Variants in SLCO2A1 observed in about 807,000 individuals in gnomAD.
SLCO2A1 encodes matrin F/G 1.
In SLCO2A1, 60 loss-of-function variants were observed where a neutral mutation model predicts 71.7. That is an observed-to-expected ratio of 0.84 (90% CI 0.68 to 1.04). SLCO2A1 has a LOEUF of 1.04. SLCO2A1 is among the 50% of genes least tolerant of loss of function. The probability of loss-of-function intolerance (pLI) is 0.00; values close to 1 mark genes in which losing one functional copy is unlikely to be tolerated. For missense variants in SLCO2A1, 745 were observed against 813.4 expected (o/e 0.92, Z 1.02); for synonymous variants, 308 against 326.7 (o/e 0.94, Z 0.62).
chr3:134,017,754 G>A (rs577044513), intron 1 of SLCO2A1, among the ~76,000 whole-genome samples: 144 of 152,306 alleles, frequency 9.5e-4, no homozygotes, highest in African/African-American at 3.3e-3. Context: ...ACTAAGTGGG[G>A]GTTGAGAAGA....
chr3:133,968,006 C>T (rs1471893122), intron 3 of SLCO2A1, among the ~76,000 whole-genome samples: 1 of 108,414 alleles, frequency 9.2e-6, no homozygotes, highest in African/African-American at 3.8e-5. Context: ...TGCACACACA[C>T]TTCCCCATCA....
chr3:134,009,632 G>A (rs1390561325), intron 1 of SLCO2A1, among the ~76,000 whole-genome samples: 1 of 152,260 alleles, frequency 6.6e-6, no homozygotes, highest in African/African-American at 2.4e-5. Flanking sequence ...GTGCCATACA[G>A]CTGGAGTGTG....
chr3:133,944,914 GACCCC>G (rs1933525177), intron 10 of SLCO2A1, among the ~76,000 whole-genome samples, 176 bp downstream of exon 10: 1 of 152,250 alleles, frequency 6.6e-6, no homozygotes, highest in Admixed American at 6.5e-5. Context: ...ATCTGGTCAT[GACCCC>G]AGGGTAGGGA....
intron 3 of SLCO2A1, among the ~76,000 whole-genome samples, chr3:133,970,618 A>T (rs1043922124): frequency 6.6e-6 from 1 of 152,240 alleles, no homozygotes; most frequent in African/African-American, 2.4e-5. Flanking sequence ...CGCATGGATG[A>T]GGTTCCTGGG....
chr3:134,002,893 T>TA lies in SLCO2A1; in HGVS notation c.97-23276dup, dbSNP rs796446397. Among the ~76,000 whole-genome samples, 100 of 148,736 alleles carry TA rather than the reference T, an allele frequency of 6.7e-4. No homozygotes were observed. In the East Asian group the frequency reaches 0.011, roughly 17 times the overall value. On this transcript the variant is annotated intron_variant, in intron 1 of 13. Coordinates refer to ENST00000310926, the MANE Select transcript of SLCO2A1 (RefSeq NM_005630.3). ...AATCTATTGCATAAAACAGCGCAGCTAAAAAAAAAAGTCTTTCTCTGGGGT... is the reference window on the plus strand; with the variant it reads ...AATCTATTGCATAAAACAGCGCAGCTAAAAAAAAAAAGTCTTTCTCTGGGGT...
At position 133,976,090 on chromosome 3, in the gene SLCO2A1, A is replaced by G. The variant is rs1404713449; in HGVS notation, c.235-2265T>C. Reference sequence around the variant, plus strand: ...GTTGAACAAATGAATGAATGAGTAAATGGTAGACTTTTTCAAGAGGAGGAC... The same window carrying G: ...GTTGAACAAATGAATGAATGAGTAAGTGGTAGACTTTTTCAAGAGGAGGAC... On this transcript the variant is annotated intron_variant, in intron 2 of 13. Transcript: ENST00000310926. Among the ~76,000 whole-genome samples, 3 of 152,330 alleles carry G rather than the reference A, an allele frequency of 2.0e-5. No individual in the cohort carries two copies. The East Asian group carries it at 5.8e-4, about 29-fold the overall frequency.
In SLCO2A1 at chr3:133,934,677, C is replaced by T. The variant is rs775938830; in HGVS notation, c.*36G>A. 5 of 1,422,244 alleles carry T rather than the reference C, an allele frequency of 3.5e-6. No homozygotes were observed. Among genetic ancestry groups the T allele is most frequent in the Non-Finnish European group, 5.0e-6 (5 of 1,006,572 alleles). The allele number at this position is 1,422,244 out of a possible 1,614,324, so 88.1% of individuals were successfully genotyped here. A position where few individuals can be genotyped will look rare whatever the true frequency, so the allele number is the denominator to read the frequency against. On this transcript the variant is annotated 3_prime_UTR_variant, in exon 14 of 14. Transcript: ENST00000310926. The stretch of plus-strand genomic sequence containing the variant: ...TAGGCAGGTGTGGAAGAGTCAAGGT[C>T]CACTCTCTGGAGCAGGGCAGTGGCC...
rs1052543937 is a variant in SLCO2A1, at chr3:133,951,347, G to C, written c.725-3C>G. The C allele has an allele frequency of 1.9e-6, 3 of 1,613,986 alleles. No homozygotes were observed. Among genetic ancestry groups the C allele is most frequent in the Non-Finnish European group, 2.5e-6 (3 of 1,179,958 alleles). On this transcript the variant is annotated splice_region_variant and splice_polypyrimidine_tract_variant and intron_variant, in intron 5 of 13. Coordinates refer to ENST00000310926, the MANE Select transcript of SLCO2A1 (RefSeq NM_005630.3). The stretch of plus-strand genomic sequence containing the variant: ...ACCCGGGACCAAGTTAACTGCAGCT[G>C]AAGAGAAAACGAAGAGTGCAAATGT...
At chr3:133,989,261 G>A (rs552583647) in intron 1 of SLCO2A1, among the ~76,000 whole-genome samples, 9 of 152,286 alleles carry the variant, frequency 5.9e-5, no homozygotes, top group South Asian at 2.1e-4. Context: ...CCCACCCTGC[G>A]GAGTTCTTTC....
chr3:134,004,093 CGTGTGTGTGTGTGTGT>C (rs71139603), intron 1 of SLCO2A1, among the ~76,000 whole-genome samples: 30,224 of 149,458 alleles, frequency 0.2, 3,225 homozygotes, highest in African/African-American at 0.22. Context: ...TGAATCTCTT[CGTGTGTGTGTGTGTGT>C]GTGTGTGTGT....
intron 9 of SLCO2A1, among the ~76,000 whole-genome samples, chr3:133,946,641 T>C (rs1292631503): frequency 1.3e-5 from 2 of 152,234 alleles, no homozygotes; most frequent in African/African-American, 4.8e-5. Flanking sequence ...TATTTCCTGG[T>C]TCCTGTGGCT....
chr3:133,967,509 C>T (rs769683232), intron 3 of SLCO2A1, among the ~76,000 whole-genome samples: 27 of 152,206 alleles, frequency 1.8e-4, no homozygotes, highest in African/African-American at 6.3e-4. Flanking sequence ...TTCTTTCCTA[C>T]ACCACGCATT....
intron 1 of SLCO2A1, among the ~76,000 whole-genome samples, chr3:134,020,296 CG>C (rs1197044846): frequency 6.6e-6 from 1 of 152,206 alleles, no homozygotes; most frequent in Non-Finnish European, 1.5e-5. Context: ...TTCTTCAACT[CG>C]GTGTCTGAGG....
At position 133,970,572 on chromosome 3, in the gene SLCO2A1, G is replaced by A. The variant is rs149607758; in HGVS notation, c.397+3091C>T. ...GCACATATTAGCATAGCACACTCAC[G>A]TGGTGCACTGGCACCGTGTGCAGCC... On this transcript the variant is annotated intron_variant, in intron 3 of 13. Coordinates refer to ENST00000310926, the MANE Select transcript of SLCO2A1 (RefSeq NM_005630.3). 3.4e-3 allele frequency among the ~76,000 whole-genome samples: 524 copies of A among 152,302 alleles called. 1 individual carries two copies. The highest frequency in any genetic ancestry group is 4.9e-3 in the Non-Finnish European group (335 of 68,032).
At chr3:133,988,550 G>A (rs1259282441) in intron 1 of SLCO2A1, among the ~76,000 whole-genome samples, 2 of 152,224 alleles carry the variant, frequency 1.3e-5, no homozygotes, top group Non-Finnish European at 2.9e-5. Context: ...AGGACTTACT[G>A]AGGGCTGTGT....
intron 3 of SLCO2A1, among the ~76,000 whole-genome samples, chr3:133,968,293 A>G (rs1934236352): frequency 1.3e-5 from 2 of 151,278 alleles, no homozygotes; most frequent in South Asian, 2.1e-4. Context: ...ACAATTACCC[A>G]CAAACAAACT....
Position 133,973,747 on chromosome 3 carries a change from C to T in SLCO2A1, c.313G>A (p.Gly105Ser). ...AAGGCACCTGCAGCCAGGAAGAGAC[C>T]TCCGATGCCAATCAGACGTGGACGG... ...VHRPRLIGIG[G>S]LFLAAGAFIL... is the part of the protein sequence containing the mutation. Residue 105 changes from glycine (G) to serine (S), a missense_variant, in exon 3 of 14, where the codon GGT (glycine) becomes AGT (serine). By Grantham distance (56) the Gly-to-Ser change is moderately conservative (BLOSUM62 0). Transcript: ENST00000310926. 1 of 1,614,078 alleles carries T rather than the reference C, an allele frequency of 6.2e-7. No homozygotes were observed. The highest frequency in any genetic ancestry group is 8.5e-7 in the Non-Finnish European group (1 of 1,180,024).
chr3:134,023,145 C>A (rs1310096223), intron 1 of SLCO2A1, among the ~76,000 whole-genome samples: 22 of 151,026 alleles, frequency 1.5e-4, no homozygotes, highest in African/African-American at 5.4e-4. Context: ...AACAAACAAA[C>A]AAACAAACAA....
intron 1 of SLCO2A1, among the ~76,000 whole-genome samples, chr3:133,996,488 G>A (rs568511888): frequency 6.6e-5 from 10 of 152,304 alleles, no homozygotes; most frequent in East Asian, 3.9e-4. Flanking sequence ...CTGAGGCTAC[G>A]GCATTCCGGA....
Sources: allele counts gnomAD v4.1 joint callset (sites outside exome capture counted in the v4.1 genomes callset), GRCh38; gene constraint gnomAD v4.1.1; transcripts MANE v1.5; gene names NCBI Gene and HGNC (gene_info 2026-07-23, HGNC 2026-07-21).